Variants in PDE1A observed in about 807,000 individuals in gnomAD.
PDE1A encodes dual specificity calcium/calmodulin-dependent 3',5'-cyclic nucleotide phosphodiesterase 1A.
PDE1A carries 35 observed loss-of-function variants against 61.7 expected under a neutral mutation model. The observed-to-expected ratio is 0.57, with a 90% CI of 0.43 to 0.75. The LOEUF (loss-of-function observed/expected upper bound fraction) is 0.75. Among genes scored for constraint, PDE1A ranks in the 30% least tolerant of loss-of-function variants. The pLI is 0.00. For synonymous variants in PDE1A, 232 were observed against 213.2 expected (o/e 1.09, Z -0.77); for missense variants, 597 against 630.6 (o/e 0.95, Z 0.57).
At chr2:182,544,794 C>T in the PDE1A span, among the ~76,000 whole-genome samples, 1 of 152,268 alleles carries the variant, frequency 6.6e-6, no homozygotes, top group South Asian at 2.1e-4. Flanking sequence ...TCTGATGCTT[C>T]CACTTGCCTT....
chr2:182,444,619 A>ATC (rs1400503910), intron 2 of PDE1A, among the ~76,000 whole-genome samples: 2 of 151,854 alleles, frequency 1.3e-5, no homozygotes, highest in Non-Finnish European at 2.9e-5. Context: ...CTATCAATAT[A>ATC]TCTCTCTCTC....
intron 2 of PDE1A, among the ~76,000 whole-genome samples, chr2:182,244,656 C>G (rs894730505): frequency 5.9e-5 from 9 of 152,188 alleles, no homozygotes; most frequent in Admixed American, 4.6e-4. Context: ...GTACATTCCT[C>G]TGGCATGGGT....
chr2:182,645,506 C>T, the PDE1A span, among the ~76,000 whole-genome samples: 3 of 152,088 alleles, frequency 2.0e-5, no homozygotes, highest in East Asian at 5.8e-4. Context: ...ACACTGGAGG[C>T]CAGAGAACAC....
At chr2:182,663,001 C>A in the PDE1A span, among the ~76,000 whole-genome samples, 1 of 151,934 alleles carries the variant, frequency 6.6e-6, no homozygotes, top group Non-Finnish European at 1.5e-5. Flanking sequence ...ACACACCACC[C>A]CATTAAAAAG....
chr2:182,290,394 T>G (rs1451759045), intron 1 of PDE1A, among the ~76,000 whole-genome samples: 1 of 152,172 alleles, frequency 6.6e-6, no homozygotes. Context: ...TTCAGGTGTT[T>G]ACTAATTTCT....
intron 1 of PDE1A, among the ~76,000 whole-genome samples, chr2:182,299,252 G>A (rs541616019): frequency 1.3e-5 from 2 of 151,734 alleles, no homozygotes; most frequent in South Asian, 2.1e-4. Flanking sequence ...CTGTCTCACA[G>A]TGGACATAAT....
At chr2:182,321,068 A>G (rs1696663328) in intron 1 of PDE1A, among the ~76,000 whole-genome samples, 2 of 152,210 alleles carry the variant, frequency 1.3e-5, no homozygotes, top group Non-Finnish European at 2.9e-5. Flanking sequence ...AAAGCAAAAA[A>G]TAGCATTTAG....
intron 2 of PDE1A, among the ~76,000 whole-genome samples, chr2:182,249,110 T>G (rs1431909645): frequency 2.0e-5 from 3 of 152,224 alleles, no homozygotes; most frequent in Non-Finnish European, 4.4e-5. Context: ...GCAGCTCCAC[T>G]CTGCACCACA....
At chr2:182,292,624 G>T (rs974138853) in intron 1 of PDE1A, among the ~76,000 whole-genome samples, 1 of 151,812 alleles carries the variant, frequency 6.6e-6, no homozygotes, top group Non-Finnish European at 1.5e-5. Context: ...TACAAAATTT[G>T]CTATTTTTAT....
intron 1 of PDE1A, among the ~76,000 whole-genome samples, chr2:182,337,967 T>G (rs1448654125): frequency 3.9e-5 from 6 of 152,226 alleles, no homozygotes; most frequent in Non-Finnish European, 7.3e-5. Context: ...TAGGTCTATA[T>G]CACATAGGTA....
chr2:182,572,003 T>A, the PDE1A span, among the ~76,000 whole-genome samples: 1 of 152,222 alleles, frequency 6.6e-6, no homozygotes, highest in East Asian at 1.9e-4. Context: ...AACTGAAGTG[T>A]CAGCTAACTC....
At chr2:182,146,362 A>G (rs114219844), downstream of PDE1A, among the ~76,000 whole-genome samples, 2,315 of 152,300 alleles carry the variant, frequency 0.015, 59 homozygotes, top group African/African-American at 0.053. Flanking sequence ...TGTTTTAATT[A>G]CTGGGTATAA....
the PDE1A span, among the ~76,000 whole-genome samples, chr2:182,641,141 T>C: frequency 6.6e-6 from 1 of 152,022 alleles, no homozygotes; most frequent in South Asian, 2.1e-4. Context: ...CACATTTTTA[T>C]AGATGCATAA....
chr2:182,243,342 A>G (rs1690703260), intron 2 of PDE1A, among the ~76,000 whole-genome samples: 1 of 152,232 alleles, frequency 6.6e-6, no homozygotes, highest in Admixed American at 6.5e-5. Context: ...TAAGATGATC[A>G]GATAGTTAAG....
At chr2:182,502,472 G>T (rs145453557) in intron 2 of PDE1A, among the ~76,000 whole-genome samples, 1 of 152,050 alleles carries the variant, frequency 6.6e-6, no homozygotes, top group African/African-American at 2.4e-5. Flanking sequence ...CTCCCTGAAC[G>T]TTCTCATTGA....
At chr2:182,604,331 T>G in the PDE1A span, among the ~76,000 whole-genome samples, 23 of 152,324 alleles carry the variant, frequency 1.5e-4, no homozygotes, top group South Asian at 4.6e-3. Flanking sequence ...GCAATATAAA[T>G]TTGATACATT....
the PDE1A span, among the ~76,000 whole-genome samples, chr2:182,707,429 C>T: frequency 6.6e-6 from 1 of 152,052 alleles, no homozygotes; most frequent in African/African-American, 2.4e-5. Context: ...GCAGAAACAA[C>T]CAATGTCAAG....
At chr2:182,322,710 T>C (rs1285711019) in intron 1 of PDE1A, among the ~76,000 whole-genome samples, 1 of 152,218 alleles carries the variant, frequency 6.6e-6, no homozygotes, top group Non-Finnish European at 1.5e-5. Flanking sequence ...TTTATCTTGA[T>C]GGGCTTTTTA....
chr2:182,681,406 C>G, the PDE1A span, among the ~76,000 whole-genome samples: 1 of 151,880 alleles, frequency 6.6e-6, no homozygotes, highest in South Asian at 2.1e-4. Flanking sequence ...CTCCTGGGCT[C>G]AAGCCATCCT....
Sources: allele counts gnomAD v4.1 joint callset (sites outside exome capture counted in the v4.1 genomes callset), GRCh38; gene constraint gnomAD v4.1.1; transcripts MANE v1.5; gene names NCBI Gene and HGNC (gene_info 2026-07-23, HGNC 2026-07-21).